NOX4: variants seen among roughly 807,000 people sequenced by gnomAD.
NOX4 encodes the protein NADPH oxidase 4.
Under a neutral mutation model 87.6 loss-of-function variants are expected in NOX4, and 69 were observed. The ratio of observed to expected loss-of-function variants is 0.79; its 90% CI spans 0.65 to 0.96. NOX4 has a LOEUF of 0.96. Among genes scored for constraint, NOX4 ranks in the 40% least tolerant of loss-of-function variants. The pLI is 0.00. For synonymous variants in NOX4, 275 were observed against 238.2 expected (o/e 1.15, Z -1.42); for missense variants, 680 against 681.5 (o/e 1.00, Z 0.02).
At chr11:89,554,171 G>A in the NOX4 span, among the ~76,000 whole-genome samples, 5 of 150,984 alleles carry the variant, frequency 3.3e-5, no homozygotes, top group African/African-American at 1.2e-4. Context: ...GGGGGGGAGG[G>A]GAATCTCTTA....
the NOX4 span, among the ~76,000 whole-genome samples, chr11:89,542,417 C>T: frequency 4.6e-5 from 7 of 152,168 alleles, no homozygotes; most frequent in Non-Finnish European, 1.0e-4. Flanking sequence ...TTAGAATTTA[C>T]CCTGTTTAAA....
rs1262977213 is a variant in NOX4, at chr11:89,442,081, AT to A, written c.448-1367del. Among the ~76,000 whole-genome samples, 4 of 150,160 alleles carry A rather than the reference AT, an allele frequency of 2.7e-5. No individual in the cohort carries two copies. In the Admixed American group the frequency reaches 2.7e-4, roughly 10 times the overall value. On this transcript the variant is annotated intron_variant, in intron 5 of 17. Transcript: ENST00000263317. Reference sequence around the variant, plus strand: ...CATAAGTATATATACACTTATTTTCATCTACATCTAATGCATGGCCTTGTAC... The same window carrying A: ...CATAAGTATATATACACTTATTTTCACTACATCTAATGCATGGCCTTGTAC...
chr11:89,342,156 C>T lies in NOX4; in HGVS notation c.1255G>A (p.Glu419Lys). 1 of 1,612,590 alleles carries T rather than the reference C, an allele frequency of 6.2e-7. No homozygotes were observed. Among genetic ancestry groups the T allele is most frequent in the South Asian group, 1.1e-5 (1 of 91,012 alleles). Reference sequence around the variant, plus strand: ...AGGCTGACCTCATAGTTCAGTGATTCCTCAAATGGACTTCCAAAAGGACCA... The same window carrying T: ...AGGCTGACCTCATAGTTCAGTGATTTCTCAAATGGACTTCCAAAAGGACCA... ...IDGPFGSPFE[E>K]SLNYEVSLCV... Residue 419 changes from glutamate (E) to lysine (K), a missense_variant, in exon 14 of 18, where the codon GAA becomes AAA. By Grantham distance (56) the Glu-to-Lys change is moderately conservative (BLOSUM62 1). Transcript: ENST00000263317.
chr11:89,373,575 G>A (rs1267825609), intron 11 of NOX4, 83 bp from the exon 12 acceptor site: 4 of 873,028 alleles, frequency 4.6e-6, no homozygotes, highest in Non-Finnish European at 7.7e-6. Context: ...TATCCTGATA[G>A]CAAGTCCCCC....
At chr11:89,414,282 G>C (rs1942641790) in intron 8 of NOX4, among the ~76,000 whole-genome samples, 1 of 151,888 alleles carries the variant, frequency 6.6e-6, no homozygotes, top group South Asian at 2.1e-4. Context: ...ATTTACTTTG[G>C]AATTCCATTA....
At chr11:89,398,347 C>T (rs1941626082) in intron 11 of NOX4, among the ~76,000 whole-genome samples, 1 of 151,836 alleles carries the variant, frequency 6.6e-6, no homozygotes, top group African/African-American at 2.4e-5. Flanking sequence ...ATAACAAACC[C>T]ACAGCCAATA....
At chr11:89,544,362 A>G in the NOX4 span, among the ~76,000 whole-genome samples, 680 of 152,228 alleles carry the variant, frequency 4.5e-3, 3 homozygotes, top group African/African-American at 0.015. Flanking sequence ...GGTAGGTACC[A>G]CCACTTTTAT....
the NOX4 span, among the ~76,000 whole-genome samples, chr11:89,574,032 C>T: frequency 6.6e-6 from 1 of 152,128 alleles, no homozygotes; most frequent in Non-Finnish European, 1.5e-5. Flanking sequence ...TTCCTGGCTG[C>T]TGCATAATTT....
the NOX4 span, among the ~76,000 whole-genome samples, chr11:89,588,510 T>C: frequency 6.6e-6 from 1 of 152,322 alleles, no homozygotes; most frequent in Non-Finnish European, 1.5e-5. Context: ...AATAATGAAT[T>C]ACTAATTAGT....
intron 8 of NOX4, among the ~76,000 whole-genome samples, chr11:89,407,531 G>A (rs898183674): frequency 9.9e-5 from 15 of 151,966 alleles, no homozygotes; most frequent in South Asian, 2.1e-4. Flanking sequence ...CATTCAAAAG[G>A]ATCTTAACAT....
In NOX4 at chr11:89,354,955, T is replaced by G. The variant is rs534125565; in HGVS notation, c.1217+7A>C. 6.4e-7 allele frequency: 1 copy of G among 1,568,898 alleles called. No homozygotes were observed. The highest frequency in any genetic ancestry group is 1.4e-5 in the African/African-American group (1 of 74,004). Reference sequence around the variant, plus strand: ...TCATCAAAACCCAGTGAACTCCTTTTGCTTACTTGGGATAATTTCTAGATT... The same window carrying G: ...TCATCAAAACCCAGTGAACTCCTTTGGCTTACTTGGGATAATTTCTAGATT... On this transcript the variant is annotated splice_region_variant and intron_variant, in intron 13 of 17. Transcript: ENST00000263317.
chr11:89,401,539 C>G (rs768351289), intron 9 of NOX4, among the ~76,000 whole-genome samples: 1 of 152,040 alleles, frequency 6.6e-6, no homozygotes, highest in Non-Finnish European at 1.5e-5. Context: ...TTTGACATCA[C>G]TATTTCCTAC....
chr11:89,446,087 A>G (rs1944688340), intron 4 of NOX4, among the ~76,000 whole-genome samples: 2 of 152,188 alleles, frequency 1.3e-5, no homozygotes, highest in Admixed American at 1.3e-4. Flanking sequence ...AAGAAGATAT[A>G]CAGATGGCAA....
rs528821160 is a variant in NOX4, at chr11:89,488,776, G to A, written c.153+1682C>T. 14 of 451,162 alleles carry A rather than the reference G, an allele frequency of 3.1e-5. 1 individual carries two copies. Among genetic ancestry groups the A allele is most frequent in the South Asian group, 2.6e-4 (5 of 18,984 alleles). 27.9% of individuals were successfully genotyped at this position (451,162 alleles called of 1,614,324 possible). On this transcript the variant is annotated intron_variant, in intron 2 of 17. Transcript: ENST00000263317. ...TGAGATAAAGCTTCCACTGAAAAAC[G>A]TCCTATTCATTAAGTTACACCTAAT...
chr11:89,372,757 T>G (rs1213460673), intron 12 of NOX4, among the ~76,000 whole-genome samples: 1 of 152,018 alleles, frequency 6.6e-6, no homozygotes, highest in Non-Finnish European at 1.5e-5. Context: ...TGTTTATATC[T>G]GCATTCTTTC....
intron 2 of NOX4, among the ~76,000 whole-genome samples, 190 bp downstream of exon 2, chr11:89,490,268 G>C: frequency 6.6e-6 from 1 of 152,194 alleles, no homozygotes; most frequent in East Asian, 1.9e-4. Flanking sequence ...TGGTTCTTGA[G>C]AGAGTCAATC....
At chr11:89,561,046 C>CAT in the NOX4 span, among the ~76,000 whole-genome samples, 5 of 25,692 alleles carry the variant, frequency 1.9e-4, no homozygotes, top group Non-Finnish European at 3.3e-4. Flanking sequence ...ACACATATAT[C>CAT]ATACATATAT....
the NOX4 span, among the ~76,000 whole-genome samples, chr11:89,566,340 C>A: frequency 6.6e-6 from 1 of 152,082 alleles, no homozygotes; most frequent in East Asian, 1.9e-4. Context: ...CCATGCCCAG[C>A]CTATTAATAC....
At chr11:89,582,921 G>A in the NOX4 span, among the ~76,000 whole-genome samples, 2 of 152,100 alleles carry the variant, frequency 1.3e-5, no homozygotes, top group South Asian at 2.1e-4. Flanking sequence ...TATAAGCAGC[G>A]CCTGTTCCTC....
Sources: gnomAD v4.1 joint callset for allele counts (sites outside exome capture counted in the v4.1 genomes callset) on GRCh38, gnomAD v4.1.1 for gene constraint, MANE v1.5 for transcripts, NCBI Gene and HGNC (gene_info 2026-07-23, HGNC 2026-07-21) for gene names.